Variants in DLG2 observed in about 807,000 individuals in gnomAD.
The protein encoded by DLG2 is discs large MAGUK scaffold protein 2.
DLG2 carries 45 observed loss-of-function variants against 132.5 expected under a neutral mutation model. The ratio of observed to expected loss-of-function variants is 0.34; its 90% CI spans 0.27 to 0.44. The LOEUF is 0.44. DLG2 is among the 20% of genes least tolerant of loss of function. The pLI is 1.00. For synonymous variants in DLG2, 424 were observed against 419.6 expected (o/e 1.01, Z -0.13); for missense variants, 1,045 against 1,196.9 (o/e 0.87, Z 1.87).
chr11:83,484,839 A>AGACT (rs1201483895), intron 21 of DLG2, among the ~76,000 whole-genome samples: 1 of 152,174 alleles, frequency 6.6e-6, no homozygotes, highest in Non-Finnish European at 1.5e-5. Context: ...GTATAATTAC[A>AGACT]GACTGACACA....
chr11:83,963,278 C>G (rs1382627059), intron 13 of DLG2, among the ~76,000 whole-genome samples: 1 of 151,942 alleles, frequency 6.6e-6, no homozygotes, highest in Admixed American at 6.6e-5. Context: ...AAGAGAAGAA[C>G]TGGAGAAGAG....
At chr11:83,926,124 G>A (rs1591176552) in intron 15 of DLG2, among the ~76,000 whole-genome samples, 1 of 150,652 alleles carries the variant, frequency 6.6e-6, no homozygotes, top group Admixed American at 6.6e-5. Context: ...CTTTTAAACG[G>A]TCTTACAGAA....
intron 3 of DLG2, chr11:85,452,680 G>A (rs1441259038): frequency 1.2e-5 from 2 of 167,356 alleles, no homozygotes; most frequent in South Asian, 3.4e-4. Flanking sequence ...AGGAGCTAAG[G>A]GCCTAGAGAT....
intron 7 of DLG2, among the ~76,000 whole-genome samples, chr11:84,394,859 A>T (rs2098805864): frequency 6.6e-6 from 1 of 152,086 alleles, no homozygotes; most frequent in Non-Finnish European, 1.5e-5. Context: ...TGACCTCGTG[A>T]TCCATCCACT....
Position 83,948,347 on chromosome 11 carries a change from C to T in DLG2, c.1340+14538G>A, listed in dbSNP as rs533517142. Among the ~76,000 whole-genome samples, 62 of 152,134 alleles carry T rather than the reference C, an allele frequency of 4.1e-4. 1 individual carries two copies. Among genetic ancestry groups the T allele is most frequent in the Admixed American group, 2.8e-3 (43 of 15,266 alleles). ...ACATGCAGTGAGACACCCTCACAAC[C>T]ACAGCTAAGTTCTTTCAGCAAATGC... On this transcript the variant is annotated intron_variant, in intron 14 of 27. Coordinates refer to ENST00000376104, the MANE Select transcript of DLG2 (RefSeq NM_001142699.3).
At chr11:84,762,923 G>T (rs991482609) in intron 6 of DLG2, among the ~76,000 whole-genome samples, 1 of 152,074 alleles carries the variant, frequency 6.6e-6, no homozygotes, top group African/African-American at 2.4e-5. Flanking sequence ...CAGATGCATG[G>T]AAGGTTTCTT....
chr11:85,420,023 T>G (rs887322711), intron 3 of DLG2, among the ~76,000 whole-genome samples: 1 of 152,244 alleles, frequency 6.6e-6, no homozygotes, highest in African/African-American at 2.4e-5. Context: ...TTCTGGTTTT[T>G]GGAATTTTCA....
At chr11:83,686,195 T>C (rs2079730852) in intron 18 of DLG2, among the ~76,000 whole-genome samples, 1 of 152,108 alleles carries the variant, frequency 6.6e-6, no homozygotes, top group Non-Finnish European at 1.5e-5. Context: ...CTCAGCTCCC[T>C]TCAGCAGCTC....
chr11:84,844,213 G>A (rs928096915), intron 6 of DLG2, among the ~76,000 whole-genome samples: 9 of 145,314 alleles, frequency 6.2e-5, no homozygotes, highest in Non-Finnish European at 1.2e-4. Context: ...GATGATGATG[G>A]TGGTAGTGCC....
intron 3 of DLG2, among the ~76,000 whole-genome samples, chr11:85,321,239 G>A (rs1332811457): frequency 6.6e-6 from 1 of 151,860 alleles, no homozygotes; most frequent in African/African-American, 2.4e-5. Flanking sequence ...TGGGCAAGTG[G>A]AAAAATTGAG....
chr11:84,823,219 A>C (rs2077907037), intron 6 of DLG2, among the ~76,000 whole-genome samples: 1 of 151,914 alleles, frequency 6.6e-6, no homozygotes, highest in Admixed American at 6.6e-5. Flanking sequence ...TTTTCACCTG[A>C]CTTTTAGAAA....
At chr11:83,887,088 T>C (rs2068116347) in intron 15 of DLG2, among the ~76,000 whole-genome samples, 1 of 151,856 alleles carries the variant, frequency 6.6e-6, no homozygotes, top group African/African-American at 2.4e-5. Flanking sequence ...AGGCGAGAAA[T>C]AACTAAGATC....
At chr11:84,838,944 G>T (rs2080204184) in intron 6 of DLG2, among the ~76,000 whole-genome samples, 1 of 152,080 alleles carries the variant, frequency 6.6e-6, no homozygotes, top group Admixed American at 6.6e-5. Context: ...AGACAGGGAT[G>T]CCCTCTCTCA....
chr11:84,579,616 T>G (rs2099511719), intron 6 of DLG2, among the ~76,000 whole-genome samples: 1 of 152,020 alleles, frequency 6.6e-6, no homozygotes, highest in Non-Finnish European at 1.5e-5. Context: ...TATGGGGAGG[T>G]TGGCAAGGTG....
rs917860595 is a variant in DLG2, at chr11:83,465,491, T to C, written c.2729+1217A>G. On this transcript the variant is annotated intron_variant, in intron 26 of 27. Transcript: ENST00000376104. ...CACTCCTGAACCCTGTCAAACACTA[T>C]GGTCTTGAGGCCCAGATGAAGGCAA... Among the ~76,000 whole-genome samples the C allele has an allele frequency of 3.9e-5, 6 of 152,198 alleles. No individual in the cohort carries two copies. The South Asian group carries it at 1.0e-3, about 26-fold the overall frequency.
chr11:83,593,673 G>GA (rs1050966803), intron 19 of DLG2, among the ~76,000 whole-genome samples: 14 of 142,300 alleles, frequency 9.8e-5, no homozygotes, highest in East Asian at 4.2e-4. Flanking sequence ...AAAAAAAAAA[G>GA]AAAAAAAAAG....
chr11:84,919,510 G>T (rs2154082702), intron 6 of DLG2, among the ~76,000 whole-genome samples: 1 of 152,200 alleles, frequency 6.6e-6, no homozygotes, highest in East Asian at 1.9e-4. Flanking sequence ...CTAAAGAGTA[G>T]TAAGTCACCG....
chr11:85,479,643 G>C (rs2153087476), intron 3 of DLG2, among the ~76,000 whole-genome samples: 1 of 152,258 alleles, frequency 6.6e-6, no homozygotes, highest in East Asian at 1.9e-4. Flanking sequence ...ACCAAAATGA[G>C]ATCGCTTTTC....
At chr11:85,624,273 C>T (rs1056473768) in intron 2 of DLG2, among the ~76,000 whole-genome samples, 14 of 152,162 alleles carry the variant, frequency 9.2e-5, no homozygotes, top group Admixed American at 3.9e-4. Context: ...GATGTCACAC[C>T]CATTCCCAAT....
Sources: gnomAD v4.1 joint callset for allele counts (sites outside exome capture counted in the v4.1 genomes callset) on GRCh38, gnomAD v4.1.1 for gene constraint, MANE v1.5 for transcripts, NCBI Gene and HGNC (gene_info 2026-07-23, HGNC 2026-07-21) for gene names.